The following PRDM15 variants were observed in gnomAD, a reference collection of about 807,000 sequenced individuals.
PRDM15 encodes PR domain zinc finger protein 15.
PRDM15 carries 64 observed loss-of-function variants against 128.6 expected under a neutral mutation model. The observed-to-expected ratio is 0.50, with a 90% confidence interval of 0.41 to 0.61. The LOEUF (loss-of-function observed/expected upper bound fraction) is 0.61. PRDM15 is among the 20% of genes least tolerant of loss of function. PRDM15 has a pLI of 0.00. For missense variants in PRDM15, 1,242 were observed against 1,569.1 expected (o/e 0.79, Z 3.52); for synonymous variants, 615 against 621.8 (o/e 0.99, Z 0.16).
chr21:41,874,525 A>ATTTTTT (rs61045274), intron 1 of PRDM15, among the ~76,000 whole-genome samples: 2,228 of 95,676 alleles, frequency 0.023, 49 homozygotes, highest in Non-Finnish European at 0.031. Context: ...ATATATATAT[A>ATTTTTT]TTTTTTTTTT....
rs80213162 is a variant in PRDM15, at chr21:41,819,655, C to T, written c.2187G>A (p.Arg729=). The T allele has an allele frequency of 5.7e-3, 9,251 of 1,610,612 alleles. 440 individuals are homozygous for T. The African/African-American group carries it at 0.1, about 18-fold the overall frequency. The change falls in exon 18 of 24, where the codon AGG becomes AGA. Residue 729 remains arginine, a synonymous_variant. Transcript: ENST00000398548. ...GCATGTGCTCCTTCAGCATGTCCTT[C>T]CTGGCAAAGGACTTCCCACACTGCT... The part of the protein sequence containing the change: ...ACEQCGKSFA[R]KDMLKEHMRV...
intron 1 of PRDM15, chr21:41,867,353 C>G (rs751712882): frequency 6.2e-7 from 1 of 1,613,714 alleles, no homozygotes; most frequent in Non-Finnish European, 8.5e-7. Context: ...CTGGTTCCCC[C>G]AGGAAAAGTT....
chr21:41,875,340 G>A (rs527565225), intron 1 of PRDM15, among the ~76,000 whole-genome samples: 61 of 152,354 alleles, frequency 4.0e-4, no homozygotes, highest in African/African-American at 1.3e-3. Context: ...GGCCCCGGAC[G>A]GCAGCTCCAC....
intron 10 of PRDM15, among the ~76,000 whole-genome samples, chr21:41,835,818 C>A (rs2062856065): frequency 1.5e-5 from 1 of 64,550 alleles, no homozygotes; most frequent in Non-Finnish European, 3.5e-5. Flanking sequence ...GACAGGTGGC[C>A]CAGGGACGCC....
At chr21:41,807,652 G>C (rs1301239041) in intron 21 of PRDM15, among the ~76,000 whole-genome samples, 1 of 152,200 alleles carries the variant, frequency 6.6e-6, no homozygotes, top group African/African-American at 2.4e-5. Flanking sequence ...AAGTCCAGGA[G>C]GGCAGGGATG....
intron 3 of PRDM15, among the ~76,000 whole-genome samples, chr21:41,858,363 C>T (rs1365838812): frequency 1.3e-5 from 2 of 151,612 alleles, no homozygotes; most frequent in East Asian, 2.0e-4. Flanking sequence ...CCGACAGAGG[C>T]GGACATTGGG....
chr21:41,816,775 C>T (rs188914394), intron 18 of PRDM15, among the ~76,000 whole-genome samples: 3 of 152,250 alleles, frequency 2.0e-5, no homozygotes, highest in Admixed American at 6.5e-5. Flanking sequence ...CGATGAAGCC[C>T]GCTGCCTGCA....
intron 5 of PRDM15, among the ~76,000 whole-genome samples, chr21:41,853,233 CA>C (rs1438892257): frequency 1.3e-5 from 2 of 152,250 alleles, no homozygotes; most frequent in Non-Finnish European, 2.9e-5. Flanking sequence ...TAGGGACAAC[CA>C]GGGGCATTTT....
intron 19 of PRDM15, chr21:41,814,957 T>C (rs1210266243): frequency 6.6e-6 from 1 of 151,008 alleles, no homozygotes; most frequent in African/African-American, 2.5e-5. Flanking sequence ...GGTGCTCTAG[T>C]GTTTTATGAG....
intron 1 of PRDM15, chr21:41,878,821 G>A (rs2064521989): frequency 3.6e-6 from 4 of 1,113,630 alleles, no homozygotes; most frequent in South Asian, 4.1e-5. Flanking sequence ...GCCGCCCGGC[G>A]GCGGGGGCCG....
Position 41,801,152 on chromosome 21 carries a change from TTTTG to T in PRDM15, c.*84_*87del, listed in dbSNP as rs2061404289. The T allele has an allele frequency of 2.7e-6, 4 of 1,484,058 alleles. No homozygotes were observed. The highest frequency in any genetic ancestry group is 1.4e-5 in the African/African-American group (1 of 71,264). 91.9% of individuals were successfully genotyped at this position (1,484,058 alleles called of 1,614,324 possible). A position where few individuals can be genotyped will look rare whatever the true frequency, so the allele number is the denominator to read the frequency against. ...CAACCTTACATTGCAATGTATGACTTTTTGTTTGTTTGGTATCCAGCAAACACAT... is the reference window on the plus strand; with the variant it reads ...CAACCTTACATTGCAATGTATGACTTTTTGTTTGGTATCCAGCAAACACAT... On this transcript the variant is annotated 3_prime_UTR_variant, in exon 24 of 24. Coordinates refer to ENST00000398548, the MANE Select transcript of PRDM15 (RefSeq NM_001040424.3).
At chr21:41,822,861 C>G (rs1342117178) in intron 14 of PRDM15, among the ~76,000 whole-genome samples, 2 of 152,024 alleles carry the variant, frequency 1.3e-5, no homozygotes, top group Admixed American at 1.3e-4. Flanking sequence ...AAGGTGAAAC[C>G]CTGTCTCTAC....
rs758208613 is a variant in PRDM15, at chr21:41,859,583, G to A, written c.131+9C>T. The A allele has an allele frequency of 1.9e-6, 3 of 1,612,314 alleles. No homozygotes were observed. Among genetic ancestry groups the A allele is most frequent in the South Asian group, 2.2e-5 (2 of 91,008 alleles). On this transcript the variant is annotated intron_variant, in intron 3 of 23. Transcript: ENST00000398548. This position sits in a 1 kb window ranked among gnomAD's most constrained non-coding sequence, Gnocchi z 5.3. Reference sequence around the variant, plus strand: ...ATGGAAGGCCCGGGAGCTCACGGCGGTCACTCACCTTGCCCTGCTTAACAC... The same window carrying A: ...ATGGAAGGCCCGGGAGCTCACGGCGATCACTCACCTTGCCCTGCTTAACAC...
rs548168903 is a variant in PRDM15 at position 41,814,389 on chromosome 21, A to G, written c.2392+1316T>C. 7.2e-5 allele frequency: 3 copies of G among 41,488 alleles called. 1 individual carries two copies. Among genetic ancestry groups the G allele is most frequent in the African/African-American group, 3.5e-4 (3 of 8,462 alleles). The allele number at this position is 41,488 out of a possible 1,614,324, so 2.6% of individuals were successfully genotyped here. A position where few individuals can be genotyped will look rare whatever the true frequency, so the allele number is the denominator to read the frequency against. On this transcript the variant is annotated intron_variant, in intron 19 of 23. Coordinates refer to ENST00000398548, the MANE Select transcript of PRDM15 (RefSeq NM_001040424.3). ...TGTTAGTGATTGCGCAGGGTGCTCT[A>G]GTGTTTTGAGAATGCCTTGTGTTAG...
chr21:41,833,250 A>G (rs2062757155), intron 11 of PRDM15, among the ~76,000 whole-genome samples: 1 of 152,112 alleles, frequency 6.6e-6, no homozygotes, highest in African/African-American at 2.4e-5. Context: ...ACCACAAGGG[A>G]CAGGCACCAC....
intron 21 of PRDM15, among the ~76,000 whole-genome samples, chr21:41,806,066 TCACCACCACCATCACCACCAC>T (rs2061576229): frequency 1.3e-4 from 1 of 7,598 alleles, no homozygotes; most frequent in African/African-American, 4.5e-4. Flanking sequence ...ACCATCACCA[TCACCACCACCATCACCACCAC>T]CACCATCACC....
intron 21 of PRDM15, among the ~76,000 whole-genome samples, chr21:41,805,544 A>G (rs1439803752): frequency 6.6e-6 from 1 of 152,144 alleles, no homozygotes; most frequent in African/African-American, 2.4e-5. Context: ...TGGCAAACAA[A>G]GGCTGGTCTG....
chr21:41,821,836 C>G lies in PRDM15; in HGVS notation c.1896+67G>C. On this transcript the variant is annotated intron_variant, in intron 15 of 23. Coordinates refer to ENST00000398548, the MANE Select transcript of PRDM15 (RefSeq NM_001040424.3). The surrounding 1 kb of genome is among the most constrained non-coding windows in gnomAD (Gnocchi z 5.4). The stretch of plus-strand genomic sequence containing the variant: ...CATGAAGGTGCCTGCTGTGTGGGGC[C>G]CACAGCCTTGAAACGACCACCTTCC... The G allele has an allele frequency of 1.3e-6, 2 of 1,588,460 alleles. No homozygotes were observed. The highest frequency in any genetic ancestry group is 1.7e-6 in the Non-Finnish European group (2 of 1,163,056).
chr21:41,868,496 TG>T (rs2064093792), intron 1 of PRDM15, among the ~76,000 whole-genome samples: 1 of 152,090 alleles, frequency 6.6e-6, no homozygotes, highest in East Asian at 1.9e-4. Flanking sequence ...CACCAGCATC[TG>T]GTGGGTCACT....
Sources: allele counts gnomAD v4.1 joint callset (sites outside exome capture counted in the v4.1 genomes callset), GRCh38; gene constraint gnomAD v4.1.1; non-coding constraint Gnocchi (gnomAD v3.1); transcripts MANE v1.5; gene names NCBI Gene and HGNC (gene_info 2026-07-23, HGNC 2026-07-21).